Variants in UBAC2 observed in about 807,000 individuals in gnomAD.
UBAC2 encodes the protein UBA domain containing 2.
In UBAC2, 26 loss-of-function variants were observed where a neutral mutation model predicts 44.0. The ratio of observed to expected loss-of-function variants is 0.59; its 90% CI spans 0.43 to 0.82. The LOEUF is 0.82. UBAC2 is among the 40% of genes least tolerant of loss of function. UBAC2 has a pLI of 0.00. For synonymous variants in UBAC2, 155 were observed against 154.3 expected (o/e 1.00, Z -0.04); for missense variants, 329 against 419.4 (o/e 0.78, Z 1.88).
chr13:99,284,083 G>A (rs962060812), intron 4 of UBAC2, among the ~76,000 whole-genome samples: 3 of 152,186 alleles, frequency 2.0e-5, no homozygotes, highest in Non-Finnish European at 4.4e-5. Context: ...GGTCACTATA[G>A]CAGGAAGCAA....
chr13:99,332,410 C>T (rs1351094168), intron 6 of UBAC2, among the ~76,000 whole-genome samples: 5 of 152,122 alleles, frequency 3.3e-5, no homozygotes, highest in South Asian at 2.1e-4. Flanking sequence ...TCTGAAGAAC[C>T]GTGTAATTGA....
At chr13:99,291,740 A>C (rs2044091536) in intron 4 of UBAC2, among the ~76,000 whole-genome samples, 1 of 152,252 alleles carries the variant, frequency 6.6e-6, no homozygotes, top group Non-Finnish European at 1.5e-5. Flanking sequence ...CTTCAGTTAC[A>C]CACGTGCTCT....
intron 4 of UBAC2, among the ~76,000 whole-genome samples, chr13:99,287,628 CTTTTTTTTTTCTTTCTTTTTTT>C: frequency 7.9e-6 from 1 of 127,052 alleles, no homozygotes; most frequent in African/African-American, 3.0e-5. Flanking sequence ...TTTCTTTCTT[CTTTTTTTTTTCTTTCTTTTTTT>C]TTTTTTTTTT....
intron 6 of UBAC2, among the ~76,000 whole-genome samples, chr13:99,329,646 G>A (rs1232461917): frequency 1.3e-5 from 2 of 152,216 alleles, no homozygotes; most frequent in Non-Finnish European, 2.9e-5. Context: ...AAGCAGACCT[G>A]TGGAGAGGTC....
chr13:99,372,518 G>A (rs1688887584), intron 8 of UBAC2: 1 of 152,326 alleles, frequency 6.6e-6, no homozygotes, highest in African/African-American at 2.4e-5. Flanking sequence ...TTGGAGATGG[G>A]TAGACAAGCT....
chr13:99,308,362 T>C (rs2044367063), intron 4 of UBAC2, among the ~76,000 whole-genome samples: 1 of 152,224 alleles, frequency 6.6e-6, no homozygotes, highest in South Asian at 2.1e-4. Flanking sequence ...ATTATCCTTA[T>C]GCTTGTGGAA....
At chr13:99,216,478 T>A (rs2042997048) in intron 1 of UBAC2, among the ~76,000 whole-genome samples, 1 of 152,184 alleles carries the variant, frequency 6.6e-6, no homozygotes, top group South Asian at 2.1e-4. Context: ...CGTAGTGATA[T>A]CAAATTTCGT....
At chr13:99,379,728 T>C (rs182941754) in intron 8 of UBAC2, among the ~76,000 whole-genome samples, 1 of 152,340 alleles carries the variant, frequency 6.6e-6, no homozygotes, top group Admixed American at 6.5e-5. Context: ...TCCTATATGG[T>C]GGTCACTCCA....
Position 99,254,941 on chromosome 13 carries a change from C to T in UBAC2, c.389+10317C>T, listed in dbSNP as rs767096993. 8.7e-6 allele frequency: 14 copies of T among 1,613,916 alleles called. No individual in the cohort carries two copies. Among genetic ancestry groups the T allele is most frequent in the South Asian group, 6.6e-5 (6 of 91,060 alleles). On this transcript the variant is annotated intron_variant, in intron 4 of 8. Transcript: ENST00000403766. ...ACTACCAGATCGGAAACTTTTTCTGCGCATGCTTCGAAGGTAATTACGGTA... is the reference window on the plus strand; with the variant it reads ...ACTACCAGATCGGAAACTTTTTCTGTGCATGCTTCGAAGGTAATTACGGTA...
intron 4 of UBAC2, among the ~76,000 whole-genome samples, chr13:99,253,050 A>G: frequency 6.6e-6 from 1 of 151,148 alleles, no homozygotes; most frequent in Non-Finnish European, 1.5e-5. Context: ...TTCTTGTTTT[A>G]GAAATAATTA....
chr13:99,354,610 C>T (rs1379667869), intron 7 of UBAC2, among the ~76,000 whole-genome samples: 1 of 151,570 alleles, frequency 6.6e-6, no homozygotes, highest in Non-Finnish European at 1.5e-5. Flanking sequence ...AGGGAGGGCA[C>T]TTTAGGTGGC....
At chr13:99,205,801 CT>C (rs2042864114) in intron 1 of UBAC2, 2 of 165,822 alleles carry the variant, frequency 1.2e-5, no homozygotes, top group African/African-American at 4.8e-5. Flanking sequence ...TGTCCCCTTC[CT>C]CCCTCACCGT....
At chr13:99,366,219 CT>C (rs1193050097) in intron 7 of UBAC2, among the ~76,000 whole-genome samples, 1 of 152,034 alleles carries the variant, frequency 6.6e-6, no homozygotes, top group Non-Finnish European at 1.5e-5. Flanking sequence ...ACGTCCTAGT[CT>C]TTTTGAAGTG....
chr13:99,305,440 A>C (rs2138743208), intron 4 of UBAC2, among the ~76,000 whole-genome samples: 1 of 152,350 alleles, frequency 6.6e-6, no homozygotes, highest in Admixed American at 6.5e-5. Context: ...AGAGAAAAGT[A>C]TCCCTGTAAA....
chr13:99,239,862 C>G (rs1323377927), intron 2 of UBAC2, among the ~76,000 whole-genome samples: 1 of 152,180 alleles, frequency 6.6e-6, no homozygotes, highest in Non-Finnish European at 1.5e-5. Flanking sequence ...CACAGGTGTA[C>G]ATGACATCCT....
chr13:99,309,681 A>T (rs774187999), intron 4 of UBAC2, among the ~76,000 whole-genome samples: 1 of 151,748 alleles, frequency 6.6e-6, no homozygotes, highest in Non-Finnish European at 1.5e-5. Context: ...GCTCACTGCA[A>T]CCTCTGCCTC....
chr13:99,382,502 G>A (rs1440131570), intron 8 of UBAC2, among the ~76,000 whole-genome samples: 4 of 152,236 alleles, frequency 2.6e-5, no homozygotes, highest in Admixed American at 6.5e-5. Flanking sequence ...GGCCCAGACT[G>A]TTGGAGGGCA....
intron 1 of UBAC2, among the ~76,000 whole-genome samples, chr13:99,207,839 T>A (rs1465697560): frequency 6.6e-6 from 1 of 152,154 alleles, no homozygotes; most frequent in Non-Finnish European, 1.5e-5. Context: ...CCCTGCATAC[T>A]GCTAAAATGG....
At chr13:99,384,069 C>A (rs1452923677) in intron 8 of UBAC2, among the ~76,000 whole-genome samples, 1 of 152,248 alleles carries the variant, frequency 6.6e-6, no homozygotes, top group African/African-American at 2.4e-5. Context: ...CCTCCAGCCA[C>A]CCCATGCCAT....
Sources: gnomAD v4.1 joint callset for allele counts (sites outside exome capture counted in the v4.1 genomes callset) on GRCh38, gnomAD v4.1.1 for gene constraint, MANE v1.5 for transcripts, NCBI Gene and HGNC (gene_info 2026-07-23, HGNC 2026-07-21) for gene names.